Variants in TEX52 observed in about 807,000 individuals in gnomAD.
TEX52 encodes testis expressed 52.
In TEX52, 22 loss-of-function variants were observed where a neutral mutation model predicts 17.6. The ratio of observed to expected loss-of-function variants is 1.25; its 90% CI spans 0.89 to 1.78. The LOEUF (loss-of-function observed/expected upper bound fraction) is 1.78. TEX52 is among the 40% of genes most tolerant of loss of function. The pLI, the probability that TEX52 is intolerant of heterozygous loss-of-function variation, is 0.00. For synonymous variants in TEX52, 168 were observed against 147.4 expected (o/e 1.14, Z -1.01); for missense variants, 396 against 372.3 (o/e 1.06, Z -0.52).
chr12:2,849,910 A>G (rs148621336), intron 2 of TEX52, among the ~76,000 whole-genome samples: 77 of 152,362 alleles, frequency 5.1e-4, no homozygotes, highest in African/African-American at 1.7e-3. Context: ...GCCTCTTCTC[A>G]GTAAGCCTGC....
At chr12:2,848,806 G>C (rs1383573695), downstream of TEX52, among the ~76,000 whole-genome samples, 1 of 151,948 alleles carries the variant, frequency 6.6e-6, no homozygotes, top group Non-Finnish European at 1.5e-5. Context: ...TGGGTTATGA[G>C]AGTGGAGATA....
chr12:2,853,613 G>GT lies in TEX52; in HGVS notation c.623+1282dup, dbSNP rs1394161799. On this transcript the variant is annotated intron_variant, in intron 2 of 2. Coordinates refer to ENST00000637658, the MANE Select transcript of TEX52 (RefSeq NM_001365174.2). Reference sequence around the variant, plus strand: ...TGTTGTTGTTTTTGTTTTTGTTTTTGTTTTTTTTTCAGATTAAAAATCTTC... The same window carrying GT: ...TGTTGTTGTTTTTGTTTTTGTTTTTGTTTTTTTTTTCAGATTAAAAATCTTC... Among the ~76,000 whole-genome samples, 1,012 of 114,034 alleles carry GT rather than the reference G, an allele frequency of 8.9e-3. 9 individuals carry two copies. Among genetic ancestry groups the GT allele is most frequent in the Middle Eastern group, 0.027 (5 of 184 alleles). 74.8% of individuals were successfully genotyped at this position (114,034 alleles called of 152,430 possible). A position where few individuals can be genotyped will look rare whatever the true frequency, so the allele number is the denominator to read the frequency against.
chr12:2,855,020 TCTTC>T lies in TEX52; in HGVS notation c.495_498del (p.Lys166SerfsTer3), dbSNP rs1027187286. ...TTCACTGTCCTGAAAATCACCTGCTTCTTCCTTTTCATGTCCACAAACGTGGGAT... is the reference window on the plus strand; with the variant it reads ...TTCACTGTCCTGAAAATCACCTGCTTCTTTTCATGTCCACAAACGTGGGAT... On this transcript the variant is annotated frameshift_variant, in exon 2 of 3. Coordinates refer to ENST00000637658, the MANE Select transcript of TEX52 (RefSeq NM_001365174.2). LOFTEE classifies it high-confidence loss of function. 3.3e-5 allele frequency: 50 copies of T among 1,536,010 alleles called. No individual in the cohort carries two copies. Among genetic ancestry groups the T allele is most frequent in the African/African-American group, 4.1e-5 (3 of 73,014 alleles).
Position 2,849,049 on chromosome 12 carries a change from C to T in TEX52, c.*182G>A. 2 of 629,410 alleles carry T rather than the reference C, an allele frequency of 3.2e-6. No homozygotes were observed. The highest frequency in any genetic ancestry group is 5.3e-6 in the Non-Finnish European group (2 of 376,702). 39.0% of individuals were successfully genotyped at this position (629,410 alleles called of 1,614,324 possible). A position where few individuals can be genotyped will look rare whatever the true frequency, so the allele number is the denominator to read the frequency against. ...GAAGAAATATAACAATTTAGAATTT[C>T]AGTTGAATCTCCAATAGCCTGGGGT... On this transcript the variant is annotated 3_prime_UTR_variant, in exon 3 of 3. Coordinates refer to ENST00000637658, the MANE Select transcript of TEX52 (RefSeq NM_001365174.2).
rs1220375641 is a variant in TEX52, at chr12:2,855,123, G to A, written c.396C>T (p.Cys132=). 15 of 1,533,270 alleles carry A rather than the reference G, an allele frequency of 9.8e-6. No homozygotes were observed. The highest frequency in any genetic ancestry group is 8.4e-5 in the South Asian group (7 of 83,810). 95.0% of individuals were successfully genotyped at this position (1,533,270 alleles called of 1,614,324 possible). Residue 132 remains cysteine, a synonymous_variant, in exon 2 of 3, where the codon TGC becomes TGT. Coordinates refer to ENST00000637658, the MANE Select transcript of TEX52 (RefSeq NM_001365174.2). ...RWLTDSNAHR[C]PPTEHPIPPP... ...GGGGGATGGGGTGCTCCGTGGGGGG[G>A]CATCTGTGGGCATTGGAGTCGGTCA...
At chr12:2,847,904 CT>C (rs2098057939), downstream of TEX52, among the ~76,000 whole-genome samples, 1 of 152,192 alleles carries the variant, frequency 6.6e-6, no homozygotes, top group African/African-American at 2.4e-5. Flanking sequence ...CTTTTTATGG[CT>C]ACATAATATT....
intron 2 of TEX52, 34 bp from the exon 3 acceptor site, chr12:2,849,559 A>G: frequency 3.3e-6 from 5 of 1,535,042 alleles, no homozygotes; most frequent in Non-Finnish European, 4.4e-6. Context: ...GAACAGAGAG[A>G]TCAAAGAAGA....
Position 2,849,067 on chromosome 12 carries a change from C to A in TEX52, c.*164G>T. On this transcript the variant is annotated 3_prime_UTR_variant, in exon 3 of 3. Transcript: ENST00000637658. ...AGAATTTCAGTTGAATCTCCAATAG[C>A]CTGGGGTACAGAGGTGGCTTGAGGC... The A allele has an allele frequency of 1.5e-6, 1 of 664,994 alleles. No homozygotes were observed. The allele number at this position is 664,994 out of a possible 1,614,324, so 41.2% of individuals were successfully genotyped here.
intron 2 of TEX52, among the ~76,000 whole-genome samples, chr12:2,852,727 G>A (rs1009779266): frequency 7.9e-5 from 12 of 152,028 alleles, no homozygotes; most frequent in Non-Finnish European, 1.2e-4. Flanking sequence ...TAATGAGGCC[G>A]GGCACGGTGG....
chr12:2,855,479 T>C, intron 1 of TEX52, 33 bp from the exon 2 acceptor site: 1 of 1,394,372 alleles, frequency 7.2e-7, no homozygotes, highest in South Asian at 1.7e-5. Flanking sequence ...CTGGGGAAGG[T>C]TGTGCAGACA....
At chr12:2,853,607 G>GTTTTTTT (rs569055360) in intron 2 of TEX52, among the ~76,000 whole-genome samples, 1 of 145,416 alleles carries the variant, frequency 6.9e-6, no homozygotes, top group African/African-American at 2.6e-5. Flanking sequence ...TTTTGTTTTT[G>GTTTTTTT]TTTTTGTTTT....
Position 2,849,454 on chromosome 12 carries a change from T to C in TEX52, c.695A>G (p.Asn232Ser). 2.0e-6 allele frequency: 3 copies of C among 1,536,134 alleles called. No homozygotes were observed. The highest frequency in any genetic ancestry group is 2.6e-6 in the Non-Finnish European group (3 of 1,146,924). The change falls in exon 3 of 3, where the codon AAT (asparagine) becomes AGT (serine). Residue 232 changes from asparagine (N) to serine (S), a missense_variant. Asn to Ser is a conservative substitution (Grantham distance 46). Transcript: ENST00000637658. Reference sequence around the variant, plus strand: ...GCAGGGCCAGCTCCTGGCGAAATTATTGGGAAACGGGTTGGGCATGAGCTG... The same window carrying C: ...GCAGGGCCAGCTCCTGGCGAAATTACTGGGAAACGGGTTGGGCATGAGCTG... ...GLQLMPNPFP[N>S]NFARSWPCPN...
At chr12:2,854,077 G>A (rs554453190) in intron 2 of TEX52, among the ~76,000 whole-genome samples, 26 of 152,196 alleles carry the variant, frequency 1.7e-4, no homozygotes, top group Non-Finnish European at 3.5e-4. Context: ...CCCGGCTGGA[G>A]TGCAATGGCA....
chr12:2,855,642 TCA>T (rs1014236519), intron 1 of TEX52, among the ~76,000 whole-genome samples, 196 bp from the exon 2 acceptor site: 1 of 152,192 alleles, frequency 6.6e-6, no homozygotes, highest in Non-Finnish European at 1.5e-5. Flanking sequence ...CGTATCATCT[TCA>T]CAGTCACTCA....
chr12:2,847,739 A>G (rs1194620673), downstream of TEX52, among the ~76,000 whole-genome samples: 3 of 151,434 alleles, frequency 2.0e-5, no homozygotes, highest in East Asian at 5.8e-4. Context: ...GATATCTTCT[A>G]TTCAACTTTC....
At position 2,854,975 on chromosome 12, in the gene TEX52, T is replaced by C. The variant is rs865851477; in HGVS notation, c.544A>G (p.Lys182Glu). The change falls in exon 2 of 3, where the codon AAG becomes GAG. Residue 182 changes from lysine (K) to glutamate (E), a missense_variant. Lys to Glu is a moderately conservative substitution (Grantham distance 56). Transcript: ENST00000637658. ...RTVKELKEVE[K>E]LKLRSEARAP... is the part of the protein sequence containing the mutation. The stretch of plus-strand genomic sequence containing the variant: ...CTTGCCTCACTCCTCAACTTGAGCT[T>C]CTCCACCTCCTTCAACTCCTTCACT... 2 of 1,536,246 alleles carry C rather than the reference T, an allele frequency of 1.3e-6. No individual in the cohort carries two copies.
intron 1 of TEX52, among the ~76,000 whole-genome samples, chr12:2,856,012 T>C (rs2153929815): frequency 6.6e-6 from 1 of 152,246 alleles, no homozygotes; most frequent in East Asian, 1.9e-4. Flanking sequence ...AGAAAGCATC[T>C]AGAATGGCAG....
chr12:2,854,765 A>G (rs1193704654), intron 2 of TEX52, 131 bp downstream of exon 2: 1 of 954,796 alleles, frequency 1.0e-6, no homozygotes, highest in African/African-American at 1.7e-5. Context: ...CTACACTCAG[A>G]AAAGAGTTTG....
intron 2 of TEX52, among the ~76,000 whole-genome samples, chr12:2,854,386 G>T (rs2098080761): frequency 6.6e-6 from 1 of 152,192 alleles, no homozygotes; most frequent in African/African-American, 2.4e-5. Flanking sequence ...TCCTCCCACA[G>T]TGAGGTCGGT....
Sources: gnomAD v4.1 joint callset for allele counts (sites outside exome capture counted in the v4.1 genomes callset) on GRCh38, gnomAD v4.1.1 for gene constraint, MANE v1.5 for transcripts, NCBI Gene and HGNC (gene_info 2026-07-23, HGNC 2026-07-21) for gene names.